Variants in COL25A1 observed in about 807,000 individuals in gnomAD.
COL25A1 encodes collagen alpha-1(XXV) chain.
A neutral mutation model predicts 128.4 loss-of-function variants in COL25A1; 103 were observed. That is an observed-to-expected ratio of 0.80 (90% CI 0.68 to 0.94). COL25A1 has a LOEUF of 0.94. COL25A1 is among the 40% of genes least tolerant of loss of function. The probability of loss-of-function intolerance (pLI) is 0.00; values close to 1 mark genes in which losing one functional copy is unlikely to be tolerated. For synonymous variants in COL25A1, 279 were observed against 277.2 expected (o/e 1.01, Z -0.06); for missense variants, 745 against 840.0 (o/e 0.89, Z 1.40).
At chr4:108,916,900 C>T (rs1744944094) in intron 13 of COL25A1, among the ~76,000 whole-genome samples, 1 of 152,132 alleles carries the variant, frequency 6.6e-6, no homozygotes. Context: ...TGGCTGAGAA[C>T]ATTAATTTCA....
At chr4:108,968,137 A>G (rs1208880962) in intron 8 of COL25A1, among the ~76,000 whole-genome samples, 1 of 152,188 alleles carries the variant, frequency 6.6e-6, no homozygotes, top group Non-Finnish European at 1.5e-5. Flanking sequence ...GTGGAAATCT[A>G]ACACTCAGTG....
At chr4:108,875,162 A>G (rs1054642369) in intron 19 of COL25A1, among the ~76,000 whole-genome samples, 4 of 152,210 alleles carry the variant, frequency 2.6e-5, no homozygotes, top group Non-Finnish European at 4.4e-5. Flanking sequence ...CAAGGACTTC[A>G]TGACTAAAAC....
Position 109,001,448 on chromosome 4 carries a change from C to G in COL25A1, c.438+8910G>C, listed in dbSNP as rs373906142. On this transcript the variant is annotated intron_variant, in intron 6 of 37. Transcript: ENST00000399132. ...AGTGAGCTAGAGGGTTTTAACTGTT[C>G]AGTCTGCCATTGGCAAAGCTGCACA... Among the ~76,000 whole-genome samples the G allele has an allele frequency of 1.9e-4, 29 of 150,840 alleles. 1 individual carries two copies. In the East Asian group the frequency reaches 3.4e-3, roughly 18 times the overall value.
chr4:108,905,536 A>C (rs1256639315), intron 13 of COL25A1, among the ~76,000 whole-genome samples: 2 of 149,500 alleles, frequency 1.3e-5, no homozygotes, highest in Non-Finnish European at 3.0e-5. Context: ...TAAAAATAAA[A>C]ATAATAATAA....
At chr4:109,232,617 T>G (rs1210041502) in intron 3 of COL25A1, among the ~76,000 whole-genome samples, 2 of 152,206 alleles carry the variant, frequency 1.3e-5, no homozygotes, top group African/African-American at 4.8e-5. Context: ...AATATATCCA[T>G]TCAATTGGTC....
intron 6 of COL25A1, among the ~76,000 whole-genome samples, chr4:109,003,664 G>A (rs1755680960): frequency 6.6e-6 from 1 of 152,154 alleles, no homozygotes; most frequent in Non-Finnish European, 1.5e-5. Context: ...AGCCTGGCGT[G>A]GTGGCGGACG....
chr4:109,049,492 A>G (rs1760784310), intron 4 of COL25A1, among the ~76,000 whole-genome samples: 1 of 152,196 alleles, frequency 6.6e-6, no homozygotes, highest in African/African-American at 2.4e-5. Context: ...AATCAGGACA[A>G]TTGGTTCTGT....
intron 23 of COL25A1, 69 bp downstream of exon 23, chr4:108,860,858 C>A: frequency 8.1e-7 from 1 of 1,232,330 alleles, no homozygotes; most frequent in Admixed American, 1.7e-5. Context: ...TATGAATAGC[C>A]ATGCAGACAT....
At chr4:108,940,483 C>G (rs1303130686) in intron 10 of COL25A1, 56 bp downstream of exon 10, 17 of 1,453,528 alleles carry the variant, frequency 1.2e-5, no homozygotes, top group Non-Finnish European at 1.5e-5. Context: ...CCCTAGTTCT[C>G]AGCCCTTAAC....
intron 3 of COL25A1, among the ~76,000 whole-genome samples, chr4:109,216,733 A>G (rs1244410077): frequency 6.6e-6 from 1 of 152,172 alleles, no homozygotes; most frequent in Non-Finnish European, 1.5e-5. Context: ...CTGAGTCTCA[A>G]GAATTGAGAG....
At chr4:109,074,294 C>G (rs1763219824) in intron 3 of COL25A1, among the ~76,000 whole-genome samples, 1 of 152,162 alleles carries the variant, frequency 6.6e-6, no homozygotes, top group Non-Finnish European at 1.5e-5. Flanking sequence ...GGCCCAAGGA[C>G]TGGGGACCCT....
intron 6 of COL25A1, among the ~76,000 whole-genome samples, chr4:108,991,194 T>C (rs538509202): frequency 3.9e-4 from 59 of 152,316 alleles, no homozygotes; most frequent in African/African-American, 1.4e-3. Context: ...CTACGTGTTA[T>C]TTACCTTTAT....
chr4:108,852,820 C>A, intron 25 of COL25A1, 82 bp downstream of exon 25: 1 of 1,032,368 alleles, frequency 9.7e-7, no homozygotes, highest in Non-Finnish European at 1.5e-6. Flanking sequence ...AAAACAATAG[C>A]TACATTAGTA....
rs184784954 is a variant in COL25A1 at position 108,854,689 on chromosome 4, G to A, written c.1321-1764C>T. On this transcript the variant is annotated intron_variant, in intron 24 of 37. Coordinates refer to ENST00000399132, the MANE Select transcript of COL25A1 (RefSeq NM_198721.4). Reference sequence around the variant, plus strand: ...ACCATCTCATGCCAGTTAGAATGGCGATCATTAAAAAGTCAGGAAACAACA... The same window carrying A: ...ACCATCTCATGCCAGTTAGAATGGCAATCATTAAAAAGTCAGGAAACAACA... 7.7e-3 allele frequency among the ~76,000 whole-genome samples: 1,179 copies of A among 152,134 alleles called. 7 individuals carry two copies. Among genetic ancestry groups the A allele is most frequent in the Admixed American group, 0.014 (219 of 15,276 alleles).
intron 3 of COL25A1, among the ~76,000 whole-genome samples, chr4:109,169,447 T>A (rs1207156432): frequency 6.6e-6 from 1 of 152,222 alleles, no homozygotes; most frequent in African/African-American, 2.4e-5. Flanking sequence ...GCTTACATAA[T>A]CTTTGATGGC....
chr4:108,848,723 A>T (rs1356070807), intron 27 of COL25A1, 36 bp downstream of exon 27: 3 of 1,410,544 alleles, frequency 2.1e-6, no homozygotes, highest in Non-Finnish European at 2.0e-6. Flanking sequence ...ATCAAGAATG[A>T]TGCTTTAAAT....
rs185787842 is a variant in COL25A1 at position 108,822,309 on chromosome 4, G to T, written c.1845+1865C>A. 2.6e-5 allele frequency among the ~76,000 whole-genome samples: 4 copies of T among 152,212 alleles called. No individual in the cohort carries two copies. The East Asian group carries it at 7.7e-4, about 29-fold the overall frequency. On this transcript the variant is annotated intron_variant, in intron 35 of 37. Coordinates refer to ENST00000399132, the MANE Select transcript of COL25A1 (RefSeq NM_198721.4). ...TCCACCCGCCTCGGCCTCCCAAAGT[G>T]TTGGGATTACAGGCGTGAGCCACCA...
intron 13 of COL25A1, among the ~76,000 whole-genome samples, chr4:108,912,854 T>G (rs1401637023): frequency 6.6e-6 from 1 of 152,188 alleles, no homozygotes; most frequent in Non-Finnish European, 1.5e-5. Context: ...AGTGAAGAAC[T>G]GTGTTATCCA....
intron 13 of COL25A1, among the ~76,000 whole-genome samples, chr4:108,914,013 C>T (rs1744573333): frequency 6.6e-6 from 1 of 152,148 alleles, no homozygotes; most frequent in African/African-American, 2.4e-5. Context: ...ACAAGATCTT[C>T]AGGAGAATTA....
Sources: allele counts gnomAD v4.1 joint callset (sites outside exome capture counted in the v4.1 genomes callset), GRCh38; gene constraint gnomAD v4.1.1; transcripts MANE v1.5; gene names NCBI Gene and HGNC (gene_info 2026-07-23, HGNC 2026-07-21).